MC2R: variants seen among roughly 807,000 people sequenced by gnomAD.
MC2R encodes adrenocorticotropic hormone receptor.
In MC2R, 9 loss-of-function variants were observed where a neutral mutation model predicts 9.8. That is an observed-to-expected ratio of 0.92 (90% CI 0.55 to 1.60). The LOEUF is 1.60. MC2R is among the 40% of genes most tolerant of loss of function. The probability of loss-of-function intolerance (pLI) is 0.00; values close to 1 mark genes in which losing one functional copy is unlikely to be tolerated. For synonymous variants in MC2R, 185 were observed against 154.7 expected, an observed-to-expected ratio of 1.20 and a Z score of -1.45; for missense variants, 370 against 389.0, an observed-to-expected ratio of 0.95 and a Z score of 0.41.
At chr18:13,886,315 C>A (rs954648797) in intron 1 of MC2R, among the ~76,000 whole-genome samples, 3 of 152,178 alleles carry the variant, frequency 2.0e-5, no homozygotes, top group South Asian at 2.1e-4. Context: ...AATTTTGAGC[C>A]GAGAGATGAT....
rs536023744 is a variant in MC2R, at chr18:13,889,353, G to A, written c.-128-3707C>T. 2.7e-4 allele frequency among the ~76,000 whole-genome samples: 41 copies of A among 152,342 alleles called. No homozygotes were observed. In the South Asian group the frequency reaches 7.9e-3, roughly 29 times the overall value. On this transcript the variant is annotated intron_variant, in intron 1 of 1. Transcript: ENST00000327606. ...AGATGGGGTGGTGGATGAGAAAGGA[G>A]AAAAGAGACAAGTTTTTCATAGCTT... is the stretch of plus-strand genomic sequence containing the variant.
In MC2R at chr18:13,885,610, C is replaced by A; in HGVS notation, c.-92G>T. 7.1e-7 allele frequency: 1 copy of A among 1,406,862 alleles called. No individual in the cohort carries two copies. The highest frequency in any genetic ancestry group is 1.0e-6 in the Non-Finnish European group (1 of 1,003,846). The allele number at this position is 1,406,862 out of a possible 1,614,324, so 87.1% of individuals were successfully genotyped here. A position where few individuals can be genotyped will look rare whatever the true frequency, so the allele number is the denominator to read the frequency against. Reference sequence around the variant, plus strand: ...CTTCAGGATCTTTTCTTCCTTGTAGCACTTGCTGGAGATCTAAGTTAAAAT... The same window carrying A: ...CTTCAGGATCTTTTCTTCCTTGTAGAACTTGCTGGAGATCTAAGTTAAAAT... On this transcript the variant is annotated 5_prime_UTR_variant, in exon 2 of 2. Coordinates refer to ENST00000327606, the MANE Select transcript of MC2R (RefSeq NM_000529.2).
intron 1 of MC2R, among the ~76,000 whole-genome samples, chr18:13,899,994 C>G (rs2045369403): frequency 6.6e-6 from 1 of 152,138 alleles, no homozygotes; most frequent in African/African-American, 2.4e-5. Context: ...GTATGAACTA[C>G]TCTTATCCTA....
chr18:13,905,960 G>A (rs1328609848), intron 1 of MC2R, among the ~76,000 whole-genome samples: 4 of 152,160 alleles, frequency 2.6e-5, no homozygotes, highest in African/African-American at 9.7e-5. Flanking sequence ...GAGAGCTGAG[G>A]CAGGAGAATT....
rs528916111 is a variant in MC2R, at chr18:13,901,926, C to T, written c.-129+13562G>A. On this transcript the variant is annotated intron_variant, in intron 1 of 1. Transcript: ENST00000327606. ...ACACCAAAAACAGACAAAGACACAT[C>T]AAAAAAAGAAAACTATAGGCCAATA... 6.6e-5 allele frequency among the ~76,000 whole-genome samples: 10 copies of T among 152,032 alleles called. No individual in the cohort carries two copies. The East Asian group carries it at 7.7e-4, about 12-fold the overall frequency.
At chr18:13,898,082 G>A (rs1011260410) in intron 1 of MC2R, among the ~76,000 whole-genome samples, 2 of 151,632 alleles carry the variant, frequency 1.3e-5, no homozygotes, top group African/African-American at 4.9e-5. Context: ...TGGGGTCCCC[G>A]ATTCTAGGGA....
At chr18:13,888,982 A>G (rs769829569) in intron 1 of MC2R, among the ~76,000 whole-genome samples, 2 of 152,134 alleles carry the variant, frequency 1.3e-5, no homozygotes, top group African/African-American at 2.4e-5. Flanking sequence ...TTCACTGCAA[A>G]CAACACAGGT....
intron 1 of MC2R, among the ~76,000 whole-genome samples, chr18:13,915,088 A>AC (rs1242016920): frequency 2.0e-5 from 3 of 151,390 alleles, no homozygotes; most frequent in African/African-American, 7.3e-5. Flanking sequence ...TGGCGCTAAA[A>AC]CCCCCGCACT....
Position 13,884,735 on chromosome 18 carries a change from C to T in MC2R, c.784G>A (p.Gly262Ser), listed in dbSNP as rs774361514. 14 of 1,613,914 alleles carry T rather than the reference C, an allele frequency of 8.7e-6. No homozygotes were observed. Among genetic ancestry groups the T allele is most frequent in the Non-Finnish European group, 1.2e-5 (14 of 1,180,024 alleles). The change falls in exon 2 of 2, where the codon GGC (glycine) becomes AGC (serine). Residue 262 changes from glycine to serine, a missense_variant. Gly to Ser is a moderately conservative substitution (Grantham distance 56, BLOSUM62 0). Coordinates refer to ENST00000327606, the MANE Select transcript of MC2R (RefSeq NM_000529.2). The part of the protein sequence containing the change: ...ACYMSLFQVN[G>S]MLIMCNAVID... Reference sequence around the variant, plus strand: ...ACGGCATTGCACATGATCAACATGCCGTTCACCTGGAAGAGAGACATGTAG... The same window carrying T: ...ACGGCATTGCACATGATCAACATGCTGTTCACCTGGAAGAGAGACATGTAG...
chr18:13,911,059 G>A (rs1277545814), intron 1 of MC2R, among the ~76,000 whole-genome samples: 3 of 152,334 alleles, frequency 2.0e-5, no homozygotes, highest in African/African-American at 7.2e-5. Flanking sequence ...GCTCAGCAGG[G>A]AACACAGGCA....
At chr18:13,905,797 C>G (rs959961825) in intron 1 of MC2R, among the ~76,000 whole-genome samples, 1 of 152,124 alleles carries the variant, frequency 6.6e-6, no homozygotes, top group African/African-American at 2.4e-5. Flanking sequence ...ATGGTTCACG[C>G]CTGTAATCCC....
rs186495325 is a variant in MC2R at position 13,914,092 on chromosome 18, C to T, written c.-129+1396G>A. On this transcript the variant is annotated intron_variant, in intron 1 of 1. Transcript: ENST00000327606. ...TTTTTTTTTAAGATGTCTTAAGTTG[C>T]TCTGAGGCAGTGAGAGGGCAATTTG... 2.3e-4 allele frequency among the ~76,000 whole-genome samples: 35 copies of T among 150,560 alleles called. No homozygotes were observed. The East Asian group carries it at 6.6e-3, about 28-fold the overall frequency.
chr18:13,900,219 T>C (rs1053646806), intron 1 of MC2R, among the ~76,000 whole-genome samples: 1 of 152,094 alleles, frequency 6.6e-6, no homozygotes, highest in Admixed American at 6.5e-5. Context: ...AGATAGTATT[T>C]GCAAGCCTCT....
intron 1 of MC2R, among the ~76,000 whole-genome samples, chr18:13,905,892 C>A (rs1356074301): frequency 6.6e-6 from 1 of 152,106 alleles, no homozygotes; most frequent in African/African-American, 2.4e-5. Flanking sequence ...CCCGTCTCTA[C>A]TAAAAATACA....
chr18:13,901,837 G>T (rs1229079383), intron 1 of MC2R, among the ~76,000 whole-genome samples: 1 of 151,978 alleles, frequency 6.6e-6, no homozygotes, highest in Non-Finnish European at 1.5e-5. Flanking sequence ...TACTCAAACT[G>T]TTTTGAAAAA....
intron 1 of MC2R, among the ~76,000 whole-genome samples, chr18:13,911,730 A>G (rs2045445848): frequency 2.0e-5 from 3 of 152,162 alleles, no homozygotes; most frequent in Non-Finnish European, 1.5e-5. Flanking sequence ...ACTGGGAAAA[A>G]GGAGATTGGG....
chr18:13,893,213 T>C (rs2045327341), intron 1 of MC2R, among the ~76,000 whole-genome samples: 2 of 148,934 alleles, frequency 1.3e-5, no homozygotes, highest in African/African-American at 2.6e-5. Flanking sequence ...CGGAAGTTTA[T>C]ATGTCTGCAT....
intron 1 of MC2R, among the ~76,000 whole-genome samples, chr18:13,912,661 A>C (rs554511275): frequency 3.9e-3 from 600 of 152,356 alleles, no homozygotes; most frequent in Non-Finnish European, 7.1e-3. Flanking sequence ...ATGAATTTCT[A>C]CGTTGTTTTC....
chr18:13,886,620 T>C (rs1381753041), intron 1 of MC2R, among the ~76,000 whole-genome samples: 1 of 152,136 alleles, frequency 6.6e-6, no homozygotes, highest in Non-Finnish European at 1.5e-5. Context: ...GATGTATCAT[T>C]CCCAAAGATG....
Sources: gnomAD v4.1 joint callset for allele counts (sites outside exome capture counted in the v4.1 genomes callset) on GRCh38, gnomAD v4.1.1 for gene constraint, MANE v1.5 for transcripts, NCBI Gene and HGNC (gene_info 2026-07-23, HGNC 2026-07-21) for gene names.